Variants in RFX3 observed in about 807,000 individuals in gnomAD.
RFX3 encodes the protein regulatory factor X3, also known as transcription factor RFX3.
In RFX3, 14 loss-of-function variants were observed where a neutral mutation model predicts 98.6. That is an observed-to-expected ratio of 0.14 (90% CI 0.09 to 0.22). The LOEUF is 0.22. Among genes scored for constraint, RFX3 ranks in the 10% least tolerant of loss-of-function variants. The pLI is 1.00. For missense variants in RFX3, 639 were observed against 926.9 expected, an observed-to-expected ratio of 0.69 and a Z score of 4.03; for synonymous variants, 383 against 328.4, an observed-to-expected ratio of 1.17 and a Z score of -1.80.
At chr9:3,345,769 C>T (rs1223828344) in intron 3 of RFX3, among the ~76,000 whole-genome samples, 1 of 152,100 alleles carries the variant, frequency 6.6e-6, no homozygotes, top group Non-Finnish European at 1.5e-5. Flanking sequence ...ATGCACACTT[C>T]TGGTGTTGAG....
chr9:3,521,534 A>C (rs1818710501), intron 1 of RFX3, among the ~76,000 whole-genome samples: 1 of 152,222 alleles, frequency 6.6e-6, no homozygotes, highest in South Asian at 2.1e-4. Context: ...TGTTATAAGA[A>C]ATATAAAATT....
At chr9:3,416,158 C>G (rs1261618642) in intron 1 of RFX3, among the ~76,000 whole-genome samples, 1 of 152,148 alleles carries the variant, frequency 6.6e-6, no homozygotes, top group East Asian at 1.9e-4. Context: ...GAAGTCCTGC[C>G]AAGCAATTTA....
At chr9:3,408,214 T>C (rs186060525) in intron 1 of RFX3, among the ~76,000 whole-genome samples, 1 of 152,210 alleles carries the variant, frequency 6.6e-6, no homozygotes, top group East Asian at 1.9e-4. Flanking sequence ...GGTATTTAAC[T>C]CTCCTTCCTA....
intron 14 of RFX3, among the ~76,000 whole-genome samples, chr9:3,249,764 A>G (rs542060677): frequency 1.3e-5 from 2 of 152,230 alleles, no homozygotes; most frequent in Admixed American, 1.3e-4. Flanking sequence ...TAAGGTTCAA[A>G]GTTTAGCCTA....
intron 2 of RFX3, among the ~76,000 whole-genome samples, chr9:3,389,966 T>C (rs1454282846): frequency 1.3e-5 from 2 of 152,182 alleles, no homozygotes; most frequent in African/African-American, 4.8e-5. Context: ...GACAAATGGA[T>C]ACTTGAGGTC....
Position 3,344,975 on chromosome 9 carries a change from T to C in RFX3, c.215+1692A>G, listed in dbSNP as rs950941134. 21 of 614,742 alleles carry C rather than the reference T, an allele frequency of 3.4e-5. No individual in the cohort carries two copies. The Admixed American group carries it at 5.9e-4, about 17-fold the overall frequency. The allele number at this position is 614,742 out of a possible 1,614,324, so 38.1% of individuals were successfully genotyped here. ...AATACGGTAACAGAAATTTACTGAC[T>C]TTATTATGTGCCAATCACCTAAGCA... On this transcript the variant is annotated intron_variant, in intron 3 of 16. Transcript: ENST00000617270.
intron 3 of RFX3, among the ~76,000 whole-genome samples, chr9:3,340,532 G>T (rs573042130): frequency 6.6e-6 from 1 of 151,942 alleles, no homozygotes; most frequent in Non-Finnish European, 1.5e-5. Flanking sequence ...TCCAGAATCC[G>T]CAATGAACTC....
At chr9:3,353,533 A>G (rs1183299373) in intron 2 of RFX3, among the ~76,000 whole-genome samples, 1 of 151,994 alleles carries the variant, frequency 6.6e-6, no homozygotes, top group East Asian at 1.9e-4. Flanking sequence ...CCATAGTGGT[A>G]AGACTGTAGT....
chr9:3,281,524 G>A (rs150006181), intron 7 of RFX3, among the ~76,000 whole-genome samples: 53 of 151,760 alleles, frequency 3.5e-4, no homozygotes, highest in African/African-American at 1.2e-3. Flanking sequence ...TTCATTGAGT[G>A]TGCTCTGAGA....
At chr9:3,411,719 G>T (rs868172781) in intron 1 of RFX3, among the ~76,000 whole-genome samples, 5 of 151,576 alleles carry the variant, frequency 3.3e-5, no homozygotes, top group Middle Eastern at 3.2e-3. Context: ...TAGAACTCTG[G>T]ACCTAAAGTG....
At chr9:3,447,879 G>A (rs1846186674) in intron 1 of RFX3, among the ~76,000 whole-genome samples, 1 of 152,104 alleles carries the variant, frequency 6.6e-6, no homozygotes, top group African/African-American at 2.4e-5. Flanking sequence ...TATGCTAAAA[G>A]TCCCTTGTCT....
At chr9:3,364,850 A>G (rs1836861120) in intron 2 of RFX3, 1 of 152,264 alleles carries the variant, frequency 6.6e-6, no homozygotes, top group Non-Finnish European at 1.5e-5. Context: ...GCAGCTAGCC[A>G]TATCTCATAA....
chr9:3,297,422 C>G (rs2129887232), intron 5 of RFX3, among the ~76,000 whole-genome samples: 1 of 152,096 alleles, frequency 6.6e-6, no homozygotes, highest in Non-Finnish European at 1.5e-5. Context: ...ATCTTTCAAC[C>G]TTTGCATTTA....
chr9:3,504,210 ATT>A (rs1816410142), intron 1 of RFX3, among the ~76,000 whole-genome samples: 1 of 123,416 alleles, frequency 8.1e-6, no homozygotes, highest in Non-Finnish European at 1.5e-5. Context: ...TATTATATAT[ATT>A]ATATACTATA....
intron 2 of RFX3, among the ~76,000 whole-genome samples, chr9:3,361,255 G>T (rs971293215): frequency 1.3e-5 from 2 of 152,090 alleles, no homozygotes; most frequent in African/African-American, 2.4e-5. Context: ...TAGCAGCAGG[G>T]AGGTTAATTA....
chr9:3,446,197 T>C (rs1225407727), intron 1 of RFX3, among the ~76,000 whole-genome samples: 1 of 151,994 alleles, frequency 6.6e-6, no homozygotes, highest in Non-Finnish European at 1.5e-5. Context: ...AGTGGGTTAC[T>C]GGGGGAGTAT....
At chr9:3,291,762 G>T (rs1251995600) in intron 6 of RFX3, among the ~76,000 whole-genome samples, 1 of 151,984 alleles carries the variant, frequency 6.6e-6, no homozygotes. Context: ...CATTTTTAAT[G>T]AAGTCAATTA....
intron 1 of RFX3, among the ~76,000 whole-genome samples, chr9:3,399,071 T>C (rs578144900): frequency 1.3e-5 from 2 of 152,028 alleles, no homozygotes; most frequent in South Asian, 2.1e-4. Context: ...ACTCGGGTTT[T>C]GTTTGACTCA....
intron 4 of RFX3, among the ~76,000 whole-genome samples, chr9:3,313,140 C>T (rs1830162002): frequency 6.6e-6 from 1 of 152,156 alleles, no homozygotes; most frequent in Non-Finnish European, 1.5e-5. Flanking sequence ...ACACCTCATA[C>T]AGCCAGGTGC....
Sources: allele counts gnomAD v4.1 joint callset (sites outside exome capture counted in the v4.1 genomes callset), GRCh38; gene constraint gnomAD v4.1.1; transcripts MANE v1.5; gene names NCBI Gene and HGNC (gene_info 2026-07-23, HGNC 2026-07-21).